The following HLCS variants were observed in gnomAD, a reference collection of about 807,000 sequenced individuals.
HLCS encodes the protein biotin--protein ligase.
Under a neutral mutation model 75.0 loss-of-function variants are expected in HLCS, and 53 were observed. The ratio of observed to expected loss-of-function variants is 0.71; its 90% confidence interval spans 0.57 to 0.89. The LOEUF is 0.89. HLCS is among the 40% of genes least tolerant of loss of function. HLCS has a pLI of 0.00. For synonymous variants in HLCS, 431 were observed against 428.6 expected (o/e 1.01, Z -0.07); for missense variants, 966 against 1,074.0 (o/e 0.90, Z 1.41).
chr21:36,830,757 G>A (rs1232890244), intron 6 of HLCS, among the ~76,000 whole-genome samples: 1 of 148,798 alleles, frequency 6.7e-6, no homozygotes, highest in African/African-American at 2.5e-5. Context: ...TGGAAGTTGA[G>A]GCTGCAGTGA....
At chr21:36,989,866 C>A (rs1234842947) in intron 1 of HLCS, among the ~76,000 whole-genome samples, 2 of 152,052 alleles carry the variant, frequency 1.3e-5, no homozygotes, top group Non-Finnish European at 2.9e-5. Context: ...CGCGTGCGCA[C>A]TGACAGCCGG....
intron 9 of HLCS, among the ~76,000 whole-genome samples, chr21:36,758,045 A>C (rs926379766): frequency 1.3e-5 from 2 of 152,212 alleles, no homozygotes; most frequent in Admixed American, 6.5e-5. Flanking sequence ...TCAGAATTCA[A>C]TAAAAGCTAT....
In HLCS at chr21:36,937,136, CA is replaced by C. The variant is rs1569218119; in HGVS notation, c.749del (p.Leu250ArgfsTer155). ...GTTCCAGACACTCGTGGCAACTAGA[CA>C]GATGGAGGTGATAATGCTCAACGGG... ...GGPVEHYHLH[L>X]SSCHECLELE... On this transcript the variant is annotated frameshift_variant, in exon 4 of 11. Transcript: ENST00000674895. LOFTEE classifies it high-confidence loss of function. The C allele has an allele frequency of 6.2e-7, 1 of 1,614,164 alleles. No individual in the cohort carries two copies.
intron 6 of HLCS, among the ~76,000 whole-genome samples, chr21:36,777,666 C>G (rs1380865889): frequency 1.3e-5 from 2 of 152,098 alleles, no homozygotes; most frequent in Non-Finnish European, 2.9e-5. Flanking sequence ...TGTCCTATGT[C>G]CCTCAATTTA....
chr21:36,873,391 C>T (rs1264936568), intron 6 of HLCS, among the ~76,000 whole-genome samples: 1 of 152,322 alleles, frequency 6.6e-6, no homozygotes, highest in East Asian at 1.9e-4. Flanking sequence ...GCTGGGATCA[C>T]AAGCGTGAGC....
At chr21:36,878,847 T>C (rs1185215601) in intron 6 of HLCS, among the ~76,000 whole-genome samples, 2 of 152,194 alleles carry the variant, frequency 1.3e-5, no homozygotes, top group Non-Finnish European at 2.9e-5. Context: ...AGTAATATAG[T>C]ATTACAAACT....
intron 6 of HLCS, among the ~76,000 whole-genome samples, chr21:36,774,475 A>G (rs1482151849): frequency 6.6e-6 from 1 of 152,186 alleles, no homozygotes; most frequent in African/African-American, 2.4e-5. Context: ...GGAATTTGCA[A>G]AGTGGTCCCT....
chr21:36,854,511 C>T (rs1285873616), intron 6 of HLCS, among the ~76,000 whole-genome samples: 2 of 152,190 alleles, frequency 1.3e-5, no homozygotes, highest in East Asian at 1.9e-4. Context: ...ACTTCTTAGG[C>T]GCTGGTTTTC....
At chr21:36,943,964 G>A (rs2067267346) in intron 2 of HLCS, 1 of 152,238 alleles carries the variant, frequency 6.6e-6, no homozygotes, top group African/African-American at 2.4e-5. Context: ...TTAGGCCCCA[G>A]TGGTAGGGAC....
Position 36,749,724 on chromosome 21 carries a change from A to G in HLCS, c.*4522T>C, listed in dbSNP as rs1215032077. The stretch of plus-strand genomic sequence containing the variant: ...TCATGAGTCTTGTAATTAAACCGTG[A>G]TTCTTGAAAGGTGTAGGTTTGATTA... On this transcript the variant is annotated 3_prime_UTR_variant, in exon 11 of 11. Transcript: ENST00000674895. 2 of 152,132 alleles carry G rather than the reference A, an allele frequency of 1.3e-5. No individual in the cohort carries two copies. The highest frequency in any genetic ancestry group is 2.9e-5 in the Non-Finnish European group (2 of 68,028). 9.4% of individuals were successfully genotyped at this position (152,132 alleles called of 1,614,324 possible). A position where few individuals can be genotyped will look rare whatever the true frequency, so the allele number is the denominator to read the frequency against.
chr21:36,756,884 G>A (rs2145732852), intron 9 of HLCS, 129 bp from the exon 10 acceptor site: 12 of 1,549,832 alleles, frequency 7.7e-6, no homozygotes, highest in Admixed American at 1.9e-5. Context: ...CAGATTTCGT[G>A]TCTCTAACCA....
chr21:36,868,182 G>A lies in HLCS; in HGVS notation c.1892+28678C>T, dbSNP rs145799933. ...AGGAAAAAAGGGAAGGGAAAAGGGA[G>A]GGGAAAAAGGAAGGGAAAAGGGAAG... On this transcript the variant is annotated intron_variant, in intron 6 of 10. Transcript: ENST00000674895. 5.2e-3 allele frequency among the ~76,000 whole-genome samples: 458 copies of A among 87,840 alleles called. 1 individual carries two copies. Among genetic ancestry groups the A allele is most frequent in the Non-Finnish European group, 7.4e-3 (349 of 47,006 alleles). 57.6% of individuals were successfully genotyped at this position (87,840 alleles called of 152,430 possible). A position where few individuals can be genotyped will look rare whatever the true frequency, so the allele number is the denominator to read the frequency against.
intron 6 of HLCS, among the ~76,000 whole-genome samples, chr21:36,878,231 C>T (rs1038482527): frequency 2.0e-5 from 3 of 151,788 alleles, no homozygotes; most frequent in Admixed American, 2.0e-4. Context: ...CCCTGAGGCT[C>T]TGTTTATTTT....
At chr21:36,890,347 C>G (rs2064725695) in intron 6 of HLCS, among the ~76,000 whole-genome samples, 1 of 152,050 alleles carries the variant, frequency 6.6e-6, no homozygotes. Context: ...GACTGGAGCC[C>G]AGGATAAAGG....
In HLCS at chr21:36,748,906, A is replaced by G. The variant is rs2089279862; in HGVS notation, c.*5340T>C. 6.6e-6 allele frequency: 1 copy of G among 152,664 alleles called. No homozygotes were observed. Among genetic ancestry groups the G allele is most frequent in the African/African-American group, 2.4e-5 (1 of 41,448 alleles). 9.5% of individuals were successfully genotyped at this position (152,664 alleles called of 1,614,324 possible). ...GTCAAGCTTCATTATTACGTGGCAAAATCCCTCTGGCCCACACAGATCTGT... is the reference window on the plus strand; with the variant it reads ...GTCAAGCTTCATTATTACGTGGCAAGATCCCTCTGGCCCACACAGATCTGT... On this transcript the variant is annotated 3_prime_UTR_variant, in exon 11 of 11. Transcript: ENST00000674895.
intron 4 of HLCS, among the ~76,000 whole-genome samples, chr21:36,930,739 A>G (rs2066601875): frequency 6.6e-6 from 1 of 152,226 alleles, no homozygotes; most frequent in Non-Finnish European, 1.5e-5. Flanking sequence ...GGGACACAGT[A>G]TAACCCACAA....
chr21:36,864,105 A>C (rs953046893), intron 6 of HLCS, among the ~76,000 whole-genome samples: 1 of 152,176 alleles, frequency 6.6e-6, no homozygotes, highest in Non-Finnish European at 1.5e-5. Flanking sequence ...CCATCATCTA[A>C]AGTGCATGAA....
chr21:36,865,049 C>T (rs937449667), intron 6 of HLCS, among the ~76,000 whole-genome samples: 1 of 151,320 alleles, frequency 6.6e-6, no homozygotes, highest in Non-Finnish European at 1.5e-5. Flanking sequence ...TGCTCCGTCT[C>T]AGACAGGCTC....
intron 5 of HLCS, among the ~76,000 whole-genome samples, chr21:36,910,480 A>G (rs1472124417): frequency 6.6e-6 from 1 of 150,840 alleles, no homozygotes; most frequent in African/African-American, 2.4e-5. Flanking sequence ...CCGGAGGTGG[A>G]GGGTGCAGTG....
Sources: gnomAD v4.1 joint callset for allele counts (sites outside exome capture counted in the v4.1 genomes callset) on GRCh38, gnomAD v4.1.1 for gene constraint, MANE v1.5 for transcripts, NCBI Gene and HGNC (gene_info 2026-07-23, HGNC 2026-07-21) for gene names.